The following OSBPL10 variants were observed in gnomAD, a reference collection of about 807,000 sequenced individuals.
OSBPL10 encodes the protein oxysterol binding protein like 10.
Under a neutral mutation model 81.7 loss-of-function variants are expected in OSBPL10, and 49 were observed. The observed-to-expected ratio is 0.60, with a 90% CI of 0.48 to 0.76. The LOEUF (loss-of-function observed/expected upper bound fraction) is 0.76. Ranked by LOEUF, OSBPL10 falls within the 30% of genes least tolerant of loss-of-function variation. The pLI is 0.00. For missense variants in OSBPL10, 923 were observed against 987.8 expected, an observed-to-expected ratio of 0.93 and a Z score of 0.88; for synonymous variants, 419 against 383.6, an observed-to-expected ratio of 1.09 and a Z score of -1.08.
intron 3 of OSBPL10, among the ~76,000 whole-genome samples, chr3:31,840,101 GA>G (rs1019434798): frequency 1.3e-5 from 2 of 151,588 alleles, no homozygotes; most frequent in Admixed American, 1.3e-4. Context: ...AATCGACCCA[GA>G]AGATACTTTA....
intron 1 of OSBPL10, among the ~76,000 whole-genome samples, chr3:31,884,523 G>C (rs569276639): frequency 2.0e-5 from 3 of 152,212 alleles, no homozygotes; most frequent in Non-Finnish European, 2.9e-5. Context: ...TGTCCATATA[G>C]CATTAAGAAT....
chr3:31,805,355 C>T (rs901129037), intron 4 of OSBPL10, among the ~76,000 whole-genome samples: 1 of 152,194 alleles, frequency 6.6e-6, no homozygotes, highest in African/African-American at 2.4e-5. Flanking sequence ...TCTCTCTCTA[C>T]TGCATTCCCA....
intron 1 of OSBPL10, among the ~76,000 whole-genome samples, chr3:31,955,053 T>A (rs910051296): frequency 2.6e-5 from 4 of 152,182 alleles, no homozygotes; most frequent in Non-Finnish European, 5.9e-5. Context: ...GTTAGCCACA[T>A]AGAAGGTAGA....
intron 10 of OSBPL10, 108 bp from the exon 11 acceptor site, chr3:31,664,340 C>T (rs924546891): frequency 2.6e-6 from 3 of 1,158,084 alleles, no homozygotes; most frequent in African/African-American, 1.5e-5. Context: ...AGGCAAGCCC[C>T]CTCTGGGGTA....
Position 31,830,162 on chromosome 3 carries a change from A to G in OSBPL10, c.607T>C (p.Cys203Arg). The G allele has an allele frequency of 6.2e-7, 1 of 1,614,170 alleles. No individual in the cohort carries two copies. The highest frequency in any genetic ancestry group is 8.5e-7 in the Non-Finnish European group (1 of 1,180,024). ...PHGTPNSASP[C>R]SQRHLSVGAP... ...CCCACACTGAGGTGTCTCTGGCTAC[A>G]GGGAGACGCAGAATTGGGTGTTCCA... Residue 203 changes from cysteine to arginine, a missense_variant, in exon 4 of 12, where the codon TGT (cysteine) becomes CGT (arginine). By Grantham distance (180) the Cys-to-Arg change is radical. This residue lies in a region of OSBPL10 where 514 missense variants were observed against 508.0 expected (regional missense o/e 1.01). Coordinates refer to ENST00000396556, the MANE Select transcript of OSBPL10 (RefSeq NM_017784.5).
chr3:31,974,574 A>C (rs1391983126), intron 1 of OSBPL10, among the ~76,000 whole-genome samples: 2 of 152,248 alleles, frequency 1.3e-5, no homozygotes, highest in Non-Finnish European at 2.9e-5. Flanking sequence ...AACAGACCAC[A>C]ACTATACACA....
At chr3:31,829,764 A>G (rs1167518458) in intron 4 of OSBPL10, among the ~76,000 whole-genome samples, 1 of 152,192 alleles carries the variant, frequency 6.6e-6, no homozygotes, top group East Asian at 1.9e-4. Context: ...GCGTGGATTT[A>G]ACTGTACTTC....
chr3:31,987,542 A>G (rs1461081633), intron 2 of OSBPL10, among the ~76,000 whole-genome samples: 1 of 152,240 alleles, frequency 6.6e-6, no homozygotes, highest in Non-Finnish European at 1.5e-5. Flanking sequence ...AATGTTTACT[A>G]TGCTGGTTCT....
chr3:31,965,369 CA>C (rs1359210592), intron 1 of OSBPL10, among the ~76,000 whole-genome samples: 1 of 98,960 alleles, frequency 1.0e-5, no homozygotes, highest in African/African-American at 5.7e-5. Flanking sequence ...GACTCCATCT[CA>C]AAAAATATAT....
intron 2 of OSBPL10, among the ~76,000 whole-genome samples, chr3:32,040,038 T>C (rs1430564298): frequency 6.6e-6 from 1 of 152,112 alleles, no homozygotes; most frequent in Non-Finnish European, 1.5e-5. Context: ...AGTTTGGCAG[T>C]TCGTCAATAA....
chr3:31,921,749 TC>T (rs1696922157), intron 1 of OSBPL10, among the ~76,000 whole-genome samples: 1 of 152,190 alleles, frequency 6.6e-6, no homozygotes, highest in Non-Finnish European at 1.5e-5. Context: ...ATAGGGACTT[TC>T]TTTTGCGGAG....
chr3:31,742,434 A>G (rs550834200), intron 5 of OSBPL10, among the ~76,000 whole-genome samples: 40 of 134,846 alleles, frequency 3.0e-4, no homozygotes, highest in African/African-American at 9.4e-4. Flanking sequence ...TAAGGAAAGT[A>G]TATTAAATTC....
At chr3:31,834,186 T>A (rs1700317131) in intron 3 of OSBPL10, among the ~76,000 whole-genome samples, 1 of 152,190 alleles carries the variant, frequency 6.6e-6, no homozygotes. Flanking sequence ...TGTTTCAAAA[T>A]TATGCCTCCA....
rs116536443 is a variant in OSBPL10, at chr3:31,978,031, T to C, written c.281+2868A>G. Among the ~76,000 whole-genome samples, 306 of 152,328 alleles carry C rather than the reference T, an allele frequency of 2.0e-3. 2 individuals carry two copies. Among genetic ancestry groups the C allele is most frequent in the African/African-American group, 6.7e-3 (280 of 41,576 alleles). On this transcript the variant is annotated intron_variant, in intron 1 of 11. Transcript: ENST00000396556. ...CTTCCTAAGGGCATGAGGATGAGGC[T>C]ACAAATAAAGGCAGAATATGATGCC...
At chr3:31,890,407 T>C (rs1284292927) in intron 1 of OSBPL10, among the ~76,000 whole-genome samples, 1 of 151,966 alleles carries the variant, frequency 6.6e-6, no homozygotes, top group African/African-American at 2.4e-5. Flanking sequence ...TTAAAGACAT[T>C]GTTTGAAATC....
chr3:31,898,951 CTTTTTTTTTTTT>C (rs201574850), intron 1 of OSBPL10, among the ~76,000 whole-genome samples: 7 of 87,364 alleles, frequency 8.0e-5, no homozygotes, highest in Non-Finnish European at 1.5e-4. Flanking sequence ...AACTTTAAAC[CTTTTTTTTTTTT>C]TTTTTTTTTT....
At chr3:31,902,213 T>C (rs1696262454) in intron 1 of OSBPL10, among the ~76,000 whole-genome samples, 1 of 151,370 alleles carries the variant, frequency 6.6e-6, no homozygotes, top group Non-Finnish European at 1.5e-5. Context: ...ACCTTAAAGA[T>C]GGACCTGGCA....
At chr3:31,850,091 G>A (rs960424449) in intron 3 of OSBPL10, among the ~76,000 whole-genome samples, 1 of 152,178 alleles carries the variant, frequency 6.6e-6, no homozygotes, top group African/African-American at 2.4e-5. Context: ...TTTGAACCCA[G>A]GAGGTGGAGG....
intron 1 of OSBPL10, among the ~76,000 whole-genome samples, chr3:31,941,468 T>C (rs1166191032): frequency 2.0e-5 from 3 of 152,178 alleles, no homozygotes; most frequent in Non-Finnish European, 4.4e-5. Context: ...CTCTGAGCTG[T>C]GTAAATTCCA....
Sources: gnomAD v4.1 joint callset for allele counts (sites outside exome capture counted in the v4.1 genomes callset) on GRCh38, gnomAD v4.1.1 for gene constraint, gnomAD v4.1.1 regional missense constraint, MANE v1.5 for transcripts, NCBI Gene and HGNC (gene_info 2026-07-23, HGNC 2026-07-21) for gene names.